The following SSBP4 variants were observed in gnomAD, a reference collection of about 807,000 sequenced individuals.
The protein encoded by SSBP4 is single-stranded DNA-binding protein 4.
Under a neutral mutation model 64.6 loss-of-function variants are expected in SSBP4, and 33 were observed. The ratio of observed to expected loss-of-function variants is 0.51; its 90% confidence interval spans 0.39 to 0.68. SSBP4 has a LOEUF of 0.68. Among genes scored for constraint, SSBP4 ranks in the 30% least tolerant of loss-of-function variants. The probability of loss-of-function intolerance (pLI) is 0.00; values close to 1 mark genes in which losing one functional copy is unlikely to be tolerated. For missense variants in SSBP4, 583 were observed against 566.8 expected, an observed-to-expected ratio of 1.03 and a Z score of -0.29; for synonymous variants, 243 against 224.0, an observed-to-expected ratio of 1.08 and a Z score of -0.76.
the SSBP4 span, among the ~76,000 whole-genome samples, chr19:18,412,460 CAAAAAAAAAAAA>C: frequency 2.7e-5 from 2 of 74,412 alleles, no homozygotes; most frequent in Non-Finnish European, 5.3e-5. Flanking sequence ...GACTCCATCT[CAAAAAAAAAAAA>C]AAAAAAAAAG....
the SSBP4 span, among the ~76,000 whole-genome samples, chr19:18,405,784 G>A: frequency 2.6e-5 from 4 of 152,232 alleles, no homozygotes; most frequent in South Asian, 2.1e-4. Context: ...TCAGGTGATC[G>A]AGACCATCCT....
chr19:18,423,952 G>A lies in SSBP4; in HGVS notation c.60-3399G>A, dbSNP rs997282982. On this transcript the variant is annotated intron_variant, in intron 1 of 17. Coordinates refer to ENST00000270061, the MANE Select transcript of SSBP4 (RefSeq NM_032627.5). This position sits in a 1 kb window ranked among gnomAD's most constrained non-coding sequence, Gnocchi z 4.0. ...TATAACTGAGCTCAGGGCCCCAACC[G>A]GTGGCGCCCCCAGACCTGGCCCCCG... is the stretch of plus-strand genomic sequence containing the variant. Among the ~76,000 whole-genome samples, 5 of 152,212 alleles carry A rather than the reference G, an allele frequency of 3.3e-5. No homozygotes were observed. Among genetic ancestry groups the A allele is most frequent in the African/African-American group, 4.8e-5 (2 of 41,452 alleles).
At chr19:18,407,521 A>G in the SSBP4 span, among the ~76,000 whole-genome samples, 6 of 152,056 alleles carry the variant, frequency 3.9e-5, no homozygotes, top group Non-Finnish European at 8.8e-5. Context: ...GGTTCACGCC[A>G]TTCTCCTGCC....
upstream of SSBP4, among the ~76,000 whole-genome samples, chr19:18,416,914 ACCCAGGGCC>A (rs1439621115): frequency 4.6e-5 from 7 of 152,146 alleles, no homozygotes; most frequent in South Asian, 1.2e-3. Flanking sequence ...GCCGCGTGGG[ACCCAGGGCC>A]CGCTGCCCTC....
chr19:18,402,782 G>A, the SSBP4 span, among the ~76,000 whole-genome samples: 1 of 152,294 alleles, frequency 6.6e-6, no homozygotes, highest in East Asian at 1.9e-4. Context: ...AGGGACCTCT[G>A]CTCTGGAAAG....
In SSBP4 at chr19:18,432,720, C is replaced by G; in HGVS notation, c.771C>G (p.Ser257=). The G allele has an allele frequency of 1.3e-6, 2 of 1,585,638 alleles. No homozygotes were observed. The highest frequency in any genetic ancestry group is 1.7e-6 in the Non-Finnish European group (2 of 1,161,400). ...CCCAGATCCCCTACTCCTCCTCATC[C>G]CCCGGCAGCTACACCGTAAGTCTGA... The part of the protein sequence containing the change: ...SGNSIPYSSS[S]PGSYTGPPGG... Residue 257 remains serine (S), a synonymous_variant, in exon 12 of 18, where the codon TCC becomes TCG. Transcript: ENST00000270061.
chr19:18,433,085 C>G (rs1324497117), intron 14 of SSBP4, 42 bp downstream of exon 14: 2 of 1,613,696 alleles, frequency 1.2e-6, no homozygotes, highest in East Asian at 4.5e-5. Context: ...GGCGGTGACC[C>G]CACTTGGGGA....
At chr19:18,403,107 G>C in the SSBP4 span, among the ~76,000 whole-genome samples, 1 of 152,254 alleles carries the variant, frequency 6.6e-6, no homozygotes, top group Non-Finnish European at 1.5e-5. Flanking sequence ...ACTCGGCTGA[G>C]ATGTTTGGGT....
intron 5 of SSBP4, 41 bp downstream of exon 5, chr19:18,430,971 T>C: frequency 6.2e-7 from 1 of 1,600,428 alleles, no homozygotes; most frequent in Non-Finnish European, 8.5e-7. Flanking sequence ...CAACTCTGGC[T>C]GAACATGCGT....
intron 5 of SSBP4, 131 bp downstream of exon 5, chr19:18,431,061 G>A (rs1054644248): frequency 6.5e-5 from 73 of 1,121,892 alleles, no homozygotes; most frequent in Admixed American, 1.3e-4. Context: ...CCTCTGTGCC[G>A]CAGGTGTGCC....
At chr19:18,428,056 T>TGGGGGGGGGGGGGGGGGG in intron 4 of SSBP4, 74 bp downstream of exon 4, 1 of 444,260 alleles carries the variant, frequency 2.3e-6, no homozygotes. Flanking sequence ...GGAGGTGGGG[T>TGGGGGGGGGGGGGGGGGG]GGGGGGCTGC....
At chr19:18,422,029 C>T (rs757660333) in intron 1 of SSBP4, among the ~76,000 whole-genome samples, 1 of 152,092 alleles carries the variant, frequency 6.6e-6, no homozygotes, top group African/African-American at 2.4e-5. Flanking sequence ...GGCATGGTGG[C>T]GGGTGCCTGT....
At chr19:18,414,911 T>A (rs1463601878), upstream of SSBP4, among the ~76,000 whole-genome samples, 1 of 152,150 alleles carries the variant, frequency 6.6e-6, no homozygotes, top group East Asian at 1.9e-4. Flanking sequence ...AGAGCCTCTA[T>A]CTGTGAGTTT....
chr19:18,417,656 C>T (rs987490839), upstream of SSBP4, among the ~76,000 whole-genome samples: 4 of 152,196 alleles, frequency 2.6e-5, no homozygotes, highest in Non-Finnish European at 5.9e-5. This position sits in a 1 kb window ranked among gnomAD's most constrained non-coding sequence, Gnocchi z 5.4. Flanking sequence ...TGTGCGGGCC[C>T]CTCCTACCCC....
At position 18,419,406 on chromosome 19, in the gene SSBP4, G is replaced by A. The variant is rs1972263387; in HGVS notation, c.-243G>A. ...GGAGGAGGGGAGCGCGCGTTTCCCG[G>A]AACAGCCCGCGCGGAGGAAAGGGAG... On this transcript the variant is annotated 5_prime_UTR_variant, in exon 1 of 18. Coordinates refer to ENST00000270061, the MANE Select transcript of SSBP4 (RefSeq NM_032627.5). The A allele has an allele frequency of 2.9e-6, 3 of 1,037,326 alleles. No individual in the cohort carries two copies. Among genetic ancestry groups the A allele is most frequent in the Non-Finnish European group, 3.5e-6 (3 of 865,764 alleles). The allele number at this position is 1,037,326 out of a possible 1,614,324, so 64.3% of individuals were successfully genotyped here. A position where few individuals can be genotyped will look rare whatever the true frequency, so the allele number is the denominator to read the frequency against.
Position 18,432,152 on chromosome 19 carries a change from T to C in SSBP4, c.642T>C (p.Tyr214=). 6.2e-7 allele frequency: 1 copy of C among 1,613,176 alleles called. No homozygotes were observed. The highest frequency in any genetic ancestry group is 8.5e-7 in the Non-Finnish European group (1 of 1,179,944). ...CAGCCCCTTTGCCTCCGCAGAGCTA[T>C]GGAGGTGGCATGCGACCCCCACCCA... The part of the protein sequence containing the change: ...RGMASVGPQS[Y]GGGMRPPPNS... The change falls in exon 10 of 18, where the codon TAT becomes TAC. Residue 214 remains tyrosine, a synonymous_variant. Transcript: ENST00000270061.
At chr19:18,409,376 T>TA in the SSBP4 span, among the ~76,000 whole-genome samples, 2 of 152,066 alleles carry the variant, frequency 1.3e-5, no homozygotes, top group Non-Finnish European at 2.9e-5. Flanking sequence ...TTGGTACAGA[T>TA]ACGGCTTCAC....
chr19:18,423,778 G>A lies in SSBP4; in HGVS notation c.60-3573G>A, dbSNP rs983386729. Reference sequence around the variant, plus strand: ...AGGGAGAGCTGCCTGCTGCTCTTCCGGGTGCCTCCCTGTTTTCCTTTCTGG... The same window carrying A: ...AGGGAGAGCTGCCTGCTGCTCTTCCAGGTGCCTCCCTGTTTTCCTTTCTGG... On this transcript the variant is annotated intron_variant, in intron 1 of 17. Coordinates refer to ENST00000270061, the MANE Select transcript of SSBP4 (RefSeq NM_032627.5). This position sits in a 1 kb window ranked among gnomAD's most constrained non-coding sequence, Gnocchi z 4.0. 1.3e-5 allele frequency among the ~76,000 whole-genome samples: 2 copies of A among 152,132 alleles called. No individual in the cohort carries two copies. The highest frequency in any genetic ancestry group is 2.9e-5 in the Non-Finnish European group (2 of 68,004).
chr19:18,429,006 A>G (rs908259864), intron 4 of SSBP4, among the ~76,000 whole-genome samples: 7 of 152,020 alleles, frequency 4.6e-5, no homozygotes, highest in Admixed American at 6.5e-5. Flanking sequence ...GGAGCTGGAG[A>G]GTCGGCGTGA....
Sources: gnomAD v4.1 joint callset for allele counts (sites outside exome capture counted in the v4.1 genomes callset) on GRCh38, gnomAD v4.1.1 for gene constraint, Gnocchi (gnomAD v3.1) non-coding constraint, MANE v1.5 for transcripts, NCBI Gene and HGNC (gene_info 2026-07-23, HGNC 2026-07-21) for gene names.